The following KANK1 variants were observed in gnomAD, a reference collection of about 807,000 sequenced individuals.
KANK1 encodes KN motif and ankyrin repeat domains 1.
In KANK1, 109 loss-of-function variants were observed where a neutral mutation model predicts 106.2. The observed-to-expected ratio is 1.03, with a 90% CI of 0.88 to 1.20. KANK1 has a LOEUF of 1.20. Ranked by LOEUF, KANK1 falls within the 50% of genes most tolerant of loss-of-function variation. The pLI is 0.00. For synonymous variants in KANK1, 873 were observed against 652.2 expected, an observed-to-expected ratio of 1.34 and a Z score of -5.16; for missense variants, 2,399 against 1,710.7, an observed-to-expected ratio of 1.40 and a Z score of -7.10.
chr9:684,775 C>G (rs772019380), intron 2 of KANK1, among the ~76,000 whole-genome samples: 2 of 152,102 alleles, frequency 1.3e-5, no homozygotes, highest in Non-Finnish European at 2.9e-5. Context: ...GGAAAATGAT[C>G]GTGACTAAAG....
At chr9:683,189 A>G (rs2139140880) in intron 2 of KANK1, among the ~76,000 whole-genome samples, 1 of 152,272 alleles carries the variant, frequency 6.6e-6, no homozygotes, top group East Asian at 1.9e-4. Flanking sequence ...ATTAGAAACT[A>G]TGGCTGCTTT....
intron 1 of KANK1, among the ~76,000 whole-genome samples, chr9:564,807 G>T (rs1817410663): frequency 6.6e-6 from 1 of 152,210 alleles, no homozygotes; most frequent in South Asian, 2.1e-4. Flanking sequence ...AATTGACTCA[G>T]TTCACCTTAT....
At chr9:634,039 A>G (rs6477054) in intron 1 of KANK1, among the ~76,000 whole-genome samples, 59,190 of 152,070 alleles carry the variant, frequency 0.39, 11,749 homozygotes, top group Middle Eastern at 0.4. Context: ...TAAGTTCAGA[A>G]ATGAACTTCT....
intron 8 of KANK1, 23 bp from the exon 9 acceptor site, chr9:740,769 C>CTTT (rs58169581): frequency 9.8e-5 from 148 of 1,505,622 alleles, no homozygotes; most frequent in African/African-American, 6.6e-4. Flanking sequence ...TCCTAAGAGA[C>CTTT]TTTTTTTTTT....
chr9:665,741 C>T (rs1030716174), intron 1 of KANK1, among the ~76,000 whole-genome samples: 1 of 152,120 alleles, frequency 6.6e-6, no homozygotes, highest in African/African-American at 2.4e-5. Flanking sequence ...CAGTAAACTG[C>T]TTTGGGTAGG....
In KANK1 at chr9:744,798, C is replaced by A. The variant is rs531970157; in HGVS notation, c.3996+209C>A. On this transcript the variant is annotated intron_variant, in intron 11 of 11. Transcript: ENST00000382297. ...TAGCAGAGGCTGGACCTTGCTTGTC[C>A]TTGCAAGACATATGCTCACAGCTTC... 2.3e-5 allele frequency: 34 copies of A among 1,450,522 alleles called. No individual in the cohort carries two copies. In the East Asian group the frequency reaches 8.6e-4, roughly 37 times the overall value. The allele number at this position is 1,450,522 out of a possible 1,614,324, so 89.9% of individuals were successfully genotyped here.
intron 1 of KANK1, among the ~76,000 whole-genome samples, chr9:611,793 A>G (rs1042213902): frequency 1.3e-5 from 2 of 152,112 alleles, no homozygotes; most frequent in Non-Finnish European, 2.9e-5. Context: ...GTCTCAGCTC[A>G]CTGCAACCTC....
intron 1 of KANK1, among the ~76,000 whole-genome samples, chr9:634,878 C>T (rs1035317399): frequency 1.3e-5 from 2 of 152,204 alleles, no homozygotes; most frequent in East Asian, 1.9e-4. Context: ...TTCACTCTGC[C>T]ATCCACTATG....
chr9:726,105 G>A (rs976141725), intron 3 of KANK1, among the ~76,000 whole-genome samples: 1 of 152,124 alleles, frequency 6.6e-6, no homozygotes, highest in African/African-American at 2.4e-5. Flanking sequence ...ACTAATGCCA[G>A]TAGGCAGCAA....
chr9:673,131 C>G (rs1815574344), intron 1 of KANK1, among the ~76,000 whole-genome samples: 1 of 149,244 alleles, frequency 6.7e-6, no homozygotes, highest in Non-Finnish European at 1.5e-5. Flanking sequence ...TGAGAAAAAT[C>G]AATACACAAT....
rs1312454738 is a variant in KANK1 at position 647,194 on chromosome 9, C to T, written c.-83-29696C>T. 2.6e-5 allele frequency among the ~76,000 whole-genome samples: 4 copies of T among 151,028 alleles called. No individual in the cohort carries two copies. The South Asian group carries it at 6.2e-4, about 23-fold the overall frequency. On this transcript the variant is annotated intron_variant, in intron 1 of 11. Coordinates refer to ENST00000382297, the MANE Select transcript of KANK1 (RefSeq NM_015158.5). ...TTAAGCCTTCTGTATAAGATAAATT[C>T]ATCCATAGTATTTTTGGATTACTTT...
At chr9:695,153 T>TCC in intron 2 of KANK1, among the ~76,000 whole-genome samples, 1 of 151,956 alleles carries the variant, frequency 6.6e-6, no homozygotes, top group Admixed American at 6.6e-5. Flanking sequence ...TAGTATACCT[T>TCC]CCCCCAACCT....
chr9:534,133 G>A (rs1036084017), intron 1 of KANK1, among the ~76,000 whole-genome samples: 5 of 152,158 alleles, frequency 3.3e-5, no homozygotes, highest in African/African-American at 9.7e-5. Context: ...TGCCTATCTC[G>A]ATTTGCTTGG....
chr9:678,211 CTT>C (rs778138893), intron 2 of KANK1, among the ~76,000 whole-genome samples: 1 of 152,152 alleles, frequency 6.6e-6, no homozygotes, highest in African/African-American at 2.4e-5. Flanking sequence ...CTTCTTGAGA[CTT>C]TTATAGATTC....
At position 724,482 on chromosome 9, in the gene KANK1, C is replaced by T. The variant is rs537854517; in HGVS notation, c.2699-5569C>T. On this transcript the variant is annotated intron_variant, in intron 3 of 11. Transcript: ENST00000382297. ...TTGGTTATTGAAGAGGAAAATGCTT[C>T]GTACAAGCATTTCTCTACAAAGAGT... 2.0e-4 allele frequency among the ~76,000 whole-genome samples: 30 copies of T among 152,236 alleles called. No individual in the cohort carries two copies. In the South Asian group the frequency reaches 4.8e-3, roughly 24 times the overall value.
At chr9:539,462 C>A (rs972307932) in intron 1 of KANK1, 1 of 152,036 alleles carries the variant, frequency 6.6e-6, no homozygotes, top group South Asian at 2.1e-4. Flanking sequence ...GATCTTTCAC[C>A]TCCTTGGTTA....
At chr9:589,294 T>G (rs1048883853) in intron 1 of KANK1, among the ~76,000 whole-genome samples, 5 of 152,178 alleles carry the variant, frequency 3.3e-5, no homozygotes, top group Admixed American at 6.5e-5. Flanking sequence ...GTGGAAATGG[T>G]CAGTGGCAGA....
At chr9:564,708 C>T (rs1228280021) in intron 1 of KANK1, among the ~76,000 whole-genome samples, 2 of 152,234 alleles carry the variant, frequency 1.3e-5, no homozygotes, top group African/African-American at 4.8e-5. Flanking sequence ...GCCGCTCTTC[C>T]ACCTCCTAAC....
At chr9:474,700 T>A (rs1163057802) in intron 3 of KANK1, among the ~76,000 whole-genome samples, 1 of 152,172 alleles carries the variant, frequency 6.6e-6, no homozygotes, top group Non-Finnish European at 1.5e-5. Flanking sequence ...CTCATTATCT[T>A]TTCTATATTT....
Sources: allele counts gnomAD v4.1 joint callset (sites outside exome capture counted in the v4.1 genomes callset), GRCh38; gene constraint gnomAD v4.1.1; transcripts MANE v1.5; gene names NCBI Gene and HGNC (gene_info 2026-07-23, HGNC 2026-07-21).